Variants in SLC35F1 observed in about 807,000 individuals in gnomAD.
SLC35F1 encodes the protein chromosome 6 open reading frame 169.
In SLC35F1, 14 loss-of-function variants were observed where a neutral mutation model predicts 48.7. The observed-to-expected ratio is 0.29, with a 90% CI of 0.19 to 0.45. SLC35F1 has a LOEUF of 0.45. SLC35F1 is among the 20% of genes least tolerant of loss of function. The pLI is 1.00. For missense variants in SLC35F1, 404 were observed against 500.0 expected, an observed-to-expected ratio of 0.81 and a Z score of 1.83; for synonymous variants, 190 against 202.2, an observed-to-expected ratio of 0.94 and a Z score of 0.51.
intron 2 of SLC35F1, among the ~76,000 whole-genome samples, chr6:118,217,860 C>T (rs941685606): frequency 6.6e-6 from 1 of 152,174 alleles, no homozygotes; most frequent in Non-Finnish European, 1.5e-5. Context: ...ATTTCACCTT[C>T]TGTTGCTTTC....
At chr6:118,248,031 T>C (rs1439187356) in intron 3 of SLC35F1, among the ~76,000 whole-genome samples, 1 of 152,238 alleles carries the variant, frequency 6.6e-6, no homozygotes, top group African/African-American at 2.4e-5. Context: ...CAATGAGTGC[T>C]CAGAGGCAAT....
chr6:118,040,713 G>A (rs1772204288), intron 1 of SLC35F1, among the ~76,000 whole-genome samples: 1 of 151,554 alleles, frequency 6.6e-6, no homozygotes, highest in African/African-American at 2.4e-5. Flanking sequence ...ATGCCCCAAA[G>A]TGAGAATTGA....
At chr6:118,273,244 G>A (rs532442015) in intron 4 of SLC35F1, among the ~76,000 whole-genome samples, 8 of 152,190 alleles carry the variant, frequency 5.3e-5, no homozygotes, top group Admixed American at 1.3e-4. Context: ...ACAGTGTGGC[G>A]TTTGAAAAAT....
At chr6:118,180,312 G>A (rs979034161) in intron 2 of SLC35F1, among the ~76,000 whole-genome samples, 2 of 152,012 alleles carry the variant, frequency 1.3e-5, no homozygotes, top group Non-Finnish European at 2.9e-5. Flanking sequence ...TAAGGACTAT[G>A]AGCTACTAAT....
chr6:118,243,116 C>T (rs142713711), intron 3 of SLC35F1, among the ~76,000 whole-genome samples: 481 of 152,262 alleles, frequency 3.2e-3, no homozygotes, highest in Non-Finnish European at 4.5e-3. Flanking sequence ...TTCCACAGGG[C>T]GTATAAAACA....
chr6:117,965,874 CTATG>C (rs1024162162), intron 1 of SLC35F1, among the ~76,000 whole-genome samples: 13 of 151,906 alleles, frequency 8.6e-5, no homozygotes, highest in African/African-American at 2.2e-4. Flanking sequence ...CCAATCAGCG[CTATG>C]TCTAACTGAT....
intron 1 of SLC35F1, among the ~76,000 whole-genome samples, chr6:118,125,953 A>G (rs1434506751): frequency 6.6e-6 from 1 of 152,148 alleles, no homozygotes; most frequent in African/African-American, 2.4e-5. Flanking sequence ...GTTTGGCTTT[A>G]TTCCTAGGGC....
intron 1 of SLC35F1, among the ~76,000 whole-genome samples, chr6:117,968,499 T>G (rs1776599281): frequency 6.6e-6 from 1 of 152,162 alleles, no homozygotes; most frequent in Admixed American, 6.5e-5. Context: ...CAAAGAAGGC[T>G]TGGGGAGTGC....
chr6:118,307,169 T>TA (rs1776321211), intron 7 of SLC35F1, among the ~76,000 whole-genome samples: 1 of 152,234 alleles, frequency 6.6e-6, no homozygotes, highest in Non-Finnish European at 1.5e-5. Context: ...GGTTTTCTGA[T>TA]ACGAATACAG....
chr6:118,297,755 A>T (rs1776209671), intron 7 of SLC35F1, among the ~76,000 whole-genome samples: 2 of 30,408 alleles, frequency 6.6e-5, no homozygotes, highest in Non-Finnish European at 1.4e-4. Context: ...TATATATATA[A>T]TATATATATA....
chr6:118,108,190 A>C (rs948417703), intron 1 of SLC35F1, among the ~76,000 whole-genome samples: 1 of 152,056 alleles, frequency 6.6e-6, no homozygotes, highest in Non-Finnish European at 1.5e-5. Flanking sequence ...AATAACAGAG[A>C]ATTTGTTGTT....
At chr6:118,265,458 T>C (rs1273902291) in intron 3 of SLC35F1, among the ~76,000 whole-genome samples, 1 of 152,180 alleles carries the variant, frequency 6.6e-6, no homozygotes, top group Non-Finnish European at 1.5e-5. Context: ...CAAACAGGAC[T>C]CGACCTAGCC....
chr6:118,133,910 G>A (rs1487199282), intron 1 of SLC35F1, among the ~76,000 whole-genome samples: 3 of 152,306 alleles, frequency 2.0e-5, no homozygotes, highest in South Asian at 4.1e-4. Context: ...CTTCCTAGAA[G>A]CGTTGGCCTA....
intron 7 of SLC35F1, among the ~76,000 whole-genome samples, chr6:118,307,336 G>C: frequency 6.6e-6 from 1 of 152,188 alleles, no homozygotes; most frequent in East Asian, 1.9e-4. Context: ...ACTGATTTTG[G>C]TATTTGTCAG....
At chr6:117,971,680 A>G (rs548862764) in intron 1 of SLC35F1, among the ~76,000 whole-genome samples, 24 of 152,368 alleles carry the variant, frequency 1.6e-4, no homozygotes, top group African/African-American at 5.5e-4. Flanking sequence ...TGCAGGCCCA[A>G]TGCCACATGT....
At chr6:117,949,955 C>G (rs956015888) in intron 1 of SLC35F1, among the ~76,000 whole-genome samples, 1 of 152,132 alleles carries the variant, frequency 6.6e-6, no homozygotes, top group Non-Finnish European at 1.5e-5. Flanking sequence ...GAATCGTCCC[C>G]CACCCACTCT....
At chr6:118,208,427 T>A (rs553246538) in intron 2 of SLC35F1, among the ~76,000 whole-genome samples, 1 of 152,364 alleles carries the variant, frequency 6.6e-6, no homozygotes, top group Non-Finnish European at 1.5e-5. Context: ...GATTTTCCAA[T>A]TTCCTTTGAC....
At chr6:118,037,837 G>A (rs1015162012) in intron 1 of SLC35F1, among the ~76,000 whole-genome samples, 1 of 151,654 alleles carries the variant, frequency 6.6e-6, no homozygotes, top group Non-Finnish European at 1.5e-5. Flanking sequence ...CATGGACACA[G>A]GGAGGGGAAC....
At chr6:118,212,460 C>G (rs1775011685) in intron 2 of SLC35F1, among the ~76,000 whole-genome samples, 1 of 152,076 alleles carries the variant, frequency 6.6e-6, no homozygotes, top group Admixed American at 6.6e-5. Context: ...GAGGGTGAGG[C>G]AGGAGGATCA....
Sources: gnomAD v4.1 joint callset for allele counts (sites outside exome capture counted in the v4.1 genomes callset) on GRCh38, gnomAD v4.1.1 for gene constraint, MANE v1.5 for transcripts, NCBI Gene and HGNC (gene_info 2026-07-23, HGNC 2026-07-21) for gene names.